MYT1L: variants seen among roughly 807,000 people sequenced by gnomAD.
The protein encoded by MYT1L is myelin transcription factor 1-like protein.
MYT1L carries 12 observed loss-of-function variants against 126.7 expected under a neutral mutation model. The ratio of observed to expected loss-of-function variants is 0.09; its 90% CI spans 0.06 to 0.15. MYT1L has a LOEUF of 0.15. Among genes scored for constraint, MYT1L ranks in the 10% least tolerant of loss-of-function variants. MYT1L has a pLI of 1.00. For missense variants in MYT1L, 979 were observed against 1,585.2 expected (o/e 0.62, Z 6.49); for synonymous variants, 541 against 604.2 (o/e 0.90, Z 1.53).
intron 1 of MYT1L, chr2:2,325,955 A>C (rs997105895): frequency 2.6e-5 from 4 of 152,276 alleles, no homozygotes; most frequent in Non-Finnish European, 5.9e-5. Context: ...ACTTAAGAGA[A>C]GAACTGGGAG....
intron 3 of MYT1L, among the ~76,000 whole-genome samples, chr2:2,113,458 T>C (rs1335223423): frequency 6.6e-6 from 1 of 152,156 alleles, no homozygotes; most frequent in Admixed American, 6.5e-5. Flanking sequence ...CTGGAGGGGC[T>C]TTCTGGGAAG....
chr2:2,262,939 G>GATATGTATATATATAT (rs2095022748), intron 2 of MYT1L, among the ~76,000 whole-genome samples: 1 of 51,964 alleles, frequency 1.9e-5, no homozygotes, highest in Non-Finnish European at 3.6e-5. Flanking sequence ...TATAACCTGT[G>GATATGTATATATATAT]ATATATATAT....
chr2:2,138,880 G>A (rs561408846), intron 3 of MYT1L, among the ~76,000 whole-genome samples: 87 of 148,988 alleles, frequency 5.8e-4, no homozygotes, highest in African/African-American at 2.0e-3. Context: ...GACTGCCTCC[G>A]AAAGCCTGGT....
At chr2:2,012,862 C>T (rs747390728) in intron 4 of MYT1L, among the ~76,000 whole-genome samples, 1 of 152,188 alleles carries the variant, frequency 6.6e-6, no homozygotes, top group Non-Finnish European at 1.5e-5. Context: ...TTCAGGGTGG[C>T]CCCAGGTGAT....
intron 1 of MYT1L, among the ~76,000 whole-genome samples, chr2:2,315,930 T>A (rs1030558502): frequency 1.3e-5 from 2 of 152,246 alleles, no homozygotes; most frequent in African/African-American, 4.8e-5. Context: ...TTATTACACC[T>A]CTCCATTTAT....
At chr2:1,977,636 A>G (rs971682652) in intron 8 of MYT1L, among the ~76,000 whole-genome samples, 2 of 152,198 alleles carry the variant, frequency 1.3e-5, no homozygotes, top group African/African-American at 4.8e-5. Context: ...AAAATATCTC[A>G]TGTACCCCCT....
chr2:2,298,955 TG>T (rs1220641383), intron 1 of MYT1L, among the ~76,000 whole-genome samples: 4 of 152,156 alleles, frequency 2.6e-5, no homozygotes, highest in African/African-American at 9.7e-5. Context: ...CAGGTTCAAG[TG>T]CTTCTCCTGC....
chr2:1,859,994 T>C (rs1453544769), intron 18 of MYT1L, among the ~76,000 whole-genome samples: 1 of 152,248 alleles, frequency 6.6e-6, no homozygotes, highest in Non-Finnish European at 1.5e-5. Context: ...TCACTGTCCA[T>C]GCTGCATGCA....
Position 1,790,783 on chromosome 2 carries a change from T to A in MYT1L, c.*1084A>T, listed in dbSNP as rs2031943300. ...AGTAACTAGAAGACTCACAAATCATTTGCCTTTATCCCTCAAATGTAAAAT... is the reference window on the plus strand; with the variant it reads ...AGTAACTAGAAGACTCACAAATCATATGCCTTTATCCCTCAAATGTAAAAT... On this transcript the variant is annotated 3_prime_UTR_variant, in exon 25 of 25. Transcript: ENST00000647738. 6.4e-6 allele frequency: 1 copy of A among 156,290 alleles called. No homozygotes were observed. The highest frequency in any genetic ancestry group is 1.9e-4 in the South Asian group (1 of 5,244). The allele number at this position is 156,290 out of a possible 1,614,324, so 9.7% of individuals were successfully genotyped here. A position where few individuals can be genotyped will look rare whatever the true frequency, so the allele number is the denominator to read the frequency against.
chr2:1,910,960 T>A lies in MYT1L; in HGVS notation c.1710-613A>T, dbSNP rs556492672. ...AGGAGACAGCAGCTGGGCTCTTTTG[T>A]GTGCAAGCTCACTTTATGTGAAATC... On this transcript the variant is annotated intron_variant, in intron 12 of 24. Coordinates refer to ENST00000647738, the MANE Select transcript of MYT1L (RefSeq NM_001303052.2). The surrounding 1 kb of genome is among the most constrained non-coding windows in gnomAD (Gnocchi z 4.8). Among the ~76,000 whole-genome samples the A allele has an allele frequency of 1.3e-5, 2 of 152,360 alleles. No individual in the cohort carries two copies. The highest frequency in any genetic ancestry group is 3.9e-4 in the East Asian group (2 of 5,186).
chr2:1,891,135 G>GA (rs1367053815), intron 15 of MYT1L, among the ~76,000 whole-genome samples: 69 of 152,102 alleles, frequency 4.5e-4, no homozygotes, highest in African/African-American at 1.6e-3. Context: ...ACTGATAGAA[G>GA]AAAAAAACAT....
intron 2 of MYT1L, among the ~76,000 whole-genome samples, chr2:2,195,695 A>G (rs1031344236): frequency 3.9e-5 from 6 of 152,210 alleles, no homozygotes; most frequent in African/African-American, 1.4e-4. Flanking sequence ...TTCAAGAGAT[A>G]AATAAAACTT....
At chr2:1,832,207 C>T (rs2040288095) in intron 21 of MYT1L, among the ~76,000 whole-genome samples, 2 of 151,990 alleles carry the variant, frequency 1.3e-5, no homozygotes, top group African/African-American at 4.8e-5. Context: ...GAGGAGATGC[C>T]AGCGAGCCTG....
intron 3 of MYT1L, among the ~76,000 whole-genome samples, chr2:2,104,542 C>A (rs2078500649): frequency 6.6e-6 from 1 of 152,224 alleles, no homozygotes; most frequent in African/African-American, 2.4e-5. Context: ...AAGGCGGTGG[C>A]TACCTGGCAA....
intron 9 of MYT1L, among the ~76,000 whole-genome samples, chr2:1,942,180 A>T (rs909416669): frequency 6.6e-6 from 1 of 152,202 alleles, no homozygotes; most frequent in Non-Finnish European, 1.5e-5. Context: ...AAACAAGCAA[A>T]CAAACAAACA....
intron 2 of MYT1L, among the ~76,000 whole-genome samples, chr2:2,223,386 A>T (rs1005497005): frequency 2.0e-5 from 3 of 152,242 alleles, no homozygotes; most frequent in Non-Finnish European, 4.4e-5. Context: ...TATTTGAAAA[A>T]GTAACTGAAG....
rs1341107381 is a variant in MYT1L at position 1,848,561 on chromosome 2, C to CT, written c.2774+3079_2774+3080insA. 6.6e-6 allele frequency among the ~76,000 whole-genome samples: 1 copy of CT among 152,106 alleles called. No individual in the cohort carries two copies. Among genetic ancestry groups the CT allele is most frequent in the Non-Finnish European group, 1.5e-5 (1 of 68,044 alleles). ...GGCCAGTGAATCATCGTCTAAGTGG[C>CT]GTTTGCCTATAGGTAACATTATCTT... On this transcript the variant is annotated intron_variant, in intron 19 of 24. Coordinates refer to ENST00000647738, the MANE Select transcript of MYT1L (RefSeq NM_001303052.2). The surrounding 1 kb of genome is among the most constrained non-coding windows in gnomAD (Gnocchi z 4.8).
chr2:2,213,552 A>T (rs1347299563), intron 2 of MYT1L, among the ~76,000 whole-genome samples: 1 of 152,198 alleles, frequency 6.6e-6, no homozygotes, highest in Non-Finnish European at 1.5e-5. Flanking sequence ...GCAGGGGATG[A>T]AGCCTGTTCT....
Position 2,300,175 on chromosome 2 carries a change from T to C in MYT1L, c.-520-15672A>G, listed in dbSNP as rs533212862. On this transcript the variant is annotated intron_variant, in intron 1 of 24. Transcript: ENST00000647738. ...TATAAGTTACTGGAAGTAAAACTGA[T>C]GTGTTCTAACCTAAAGACATTCAAA... 2.0e-5 allele frequency among the ~76,000 whole-genome samples: 3 copies of C among 152,352 alleles called. No individual in the cohort carries two copies. The East Asian group carries it at 5.8e-4, about 29-fold the overall frequency.
Sources: allele counts gnomAD v4.1 joint callset (sites outside exome capture counted in the v4.1 genomes callset), GRCh38; gene constraint gnomAD v4.1.1; non-coding constraint Gnocchi (gnomAD v3.1); transcripts MANE v1.5; gene names NCBI Gene and HGNC (gene_info 2026-07-23, HGNC 2026-07-21).